The following SLC9C1 variants were observed in gnomAD, a reference collection of about 807,000 sequenced individuals.
SLC9C1 encodes sodium/hydrogen exchanger 10.
A neutral mutation model predicts 140.9 loss-of-function variants in SLC9C1; 97 were observed. That is an observed-to-expected ratio of 0.69 (90% CI 0.58 to 0.82). SLC9C1 has a LOEUF of 0.82. Among genes scored for constraint, SLC9C1 ranks in the 40% least tolerant of loss-of-function variants. SLC9C1 has a pLI of 0.00. For missense variants in SLC9C1, 1,340 were observed against 1,389.3 expected (o/e 0.96, Z 0.56); for synonymous variants, 440 against 442.6 (o/e 0.99, Z 0.07).
At chr3:112,262,899 G>A in intron 10 of SLC9C1, 25 bp downstream of exon 10, 1 of 1,530,842 alleles carries the variant, frequency 6.5e-7, no homozygotes. Context: ...ACAATATTCA[G>A]ATAAGAAAAT....
chr3:112,282,951 A>G (rs983186998), intron 2 of SLC9C1, among the ~76,000 whole-genome samples: 6 of 152,240 alleles, frequency 3.9e-5, no homozygotes, highest in Non-Finnish European at 8.8e-5. Flanking sequence ...CAAACATAAA[A>G]ATTGATACAA....
At chr3:112,150,636 A>G (rs1412459901) in intron 28 of SLC9C1, among the ~76,000 whole-genome samples, 1 of 151,664 alleles carries the variant, frequency 6.6e-6, no homozygotes, top group Non-Finnish European at 1.5e-5. Context: ...ATCCGCCATT[A>G]AATTCATCTT....
intron 28 of SLC9C1, among the ~76,000 whole-genome samples, chr3:112,150,830 ATATATATATATTTT>A (rs1188237330): frequency 0.075 from 2,902 of 38,882 alleles, 122 homozygotes; most frequent in African/African-American, 0.25. Flanking sequence ...ACATATATAT[ATATATATATATTTT>A]TTTTTTTTTT....
At chr3:112,221,515 G>A (rs1329268325) in intron 13 of SLC9C1, among the ~76,000 whole-genome samples, 1 of 151,964 alleles carries the variant, frequency 6.6e-6, no homozygotes, top group East Asian at 1.9e-4. Flanking sequence ...ACTACTGCAA[G>A]CTATATCCAC....
intron 10 of SLC9C1, among the ~76,000 whole-genome samples, chr3:112,251,548 G>A (rs1469697090): frequency 6.6e-6 from 1 of 152,148 alleles, no homozygotes; most frequent in Non-Finnish European, 1.5e-5. Flanking sequence ...TCTAGGAAAG[G>A]AGGTGATCCA....
intron 16 of SLC9C1, among the ~76,000 whole-genome samples, chr3:112,206,891 T>G (rs1216924211): frequency 1.3e-5 from 2 of 151,986 alleles, no homozygotes; most frequent in Non-Finnish European, 2.9e-5. Flanking sequence ...AAATAACTAA[T>G]GTAAATGACG....
At chr3:112,150,958 C>T (rs868313870) in intron 28 of SLC9C1, among the ~76,000 whole-genome samples, 1 of 150,938 alleles carries the variant, frequency 6.6e-6, no homozygotes, top group Admixed American at 6.6e-5. Flanking sequence ...CTGCCTCAGC[C>T]CCCTGAGTAG....
intron 5 of SLC9C1, among the ~76,000 whole-genome samples, chr3:112,277,316 T>C (rs950311013): frequency 6.6e-6 from 1 of 152,184 alleles, no homozygotes; most frequent in Non-Finnish European, 1.5e-5. Context: ...AAAATGGCGT[T>C]GTCCTAATGA....
chr3:112,266,823 G>A (rs971928970), intron 7 of SLC9C1, among the ~76,000 whole-genome samples: 1 of 152,088 alleles, frequency 6.6e-6, no homozygotes, highest in Non-Finnish European at 1.5e-5. Flanking sequence ...TGTGCCCTTT[G>A]TGTTTCTTTG....
intron 6 of SLC9C1, among the ~76,000 whole-genome samples, chr3:112,274,025 C>T (rs969284649): frequency 6.6e-6 from 1 of 152,018 alleles, no homozygotes; most frequent in African/African-American, 2.4e-5. Context: ...CCAAAACCAG[C>T]GCAAGTGCAC....
At chr3:112,177,069 C>T (rs991774576) in intron 23 of SLC9C1, among the ~76,000 whole-genome samples, 10 of 140,312 alleles carry the variant, frequency 7.1e-5, no homozygotes, top group African/African-American at 1.4e-4. Context: ...TGCAGTGGTG[C>T]GATCTCAGCT....
At chr3:112,157,035 C>T (rs946108494) in intron 26 of SLC9C1, among the ~76,000 whole-genome samples, 4 of 152,016 alleles carry the variant, frequency 2.6e-5, no homozygotes, top group Admixed American at 2.6e-4. Flanking sequence ...GATATAATCC[C>T]ACTTGTTTAT....
chr3:112,253,971 A>T (rs185349550), intron 10 of SLC9C1, among the ~76,000 whole-genome samples: 1 of 152,224 alleles, frequency 6.6e-6, no homozygotes, highest in Admixed American at 6.5e-5. Flanking sequence ...AGCAGAATAA[A>T]CCAAGATGAG....
chr3:112,265,932 T>C (rs1367538991), intron 8 of SLC9C1, among the ~76,000 whole-genome samples: 1 of 152,134 alleles, frequency 6.6e-6, no homozygotes, highest in Non-Finnish European at 1.5e-5. Flanking sequence ...TACTGCACTT[T>C]TGGCACCCTC....
At chr3:112,233,511 T>C (rs1470355225) in intron 12 of SLC9C1, among the ~76,000 whole-genome samples, 9 of 152,350 alleles carry the variant, frequency 5.9e-5, no homozygotes, top group Non-Finnish European at 1.3e-4. Flanking sequence ...CTTTAAGTTC[T>C]AGGGTACATG....
chr3:112,193,212 A>G (rs1331427685), intron 20 of SLC9C1, among the ~76,000 whole-genome samples: 1 of 152,344 alleles, frequency 6.6e-6, no homozygotes, highest in East Asian at 1.9e-4. Context: ...AGTTGGGGGC[A>G]CATGCATGCA....
chr3:112,271,767 C>G (rs1053855830), intron 6 of SLC9C1, among the ~76,000 whole-genome samples: 5 of 152,144 alleles, frequency 3.3e-5, no homozygotes, highest in Admixed American at 2.6e-4. Context: ...AGGAGTGTCT[C>G]TAGGCCTCAG....
At chr3:112,161,768 C>T (rs1307964808) in intron 26 of SLC9C1, among the ~76,000 whole-genome samples, 1 of 151,496 alleles carries the variant, frequency 6.6e-6, no homozygotes, top group East Asian at 1.9e-4. Context: ...TTTTTTGGTT[C>T]CATATGAACT....
At chr3:112,285,694 T>G (rs1484923037) in intron 2 of SLC9C1, among the ~76,000 whole-genome samples, 1 of 152,228 alleles carries the variant, frequency 6.6e-6, no homozygotes, top group Non-Finnish European at 1.5e-5. Flanking sequence ...TTTAACCAGA[T>G]GTAAATATGC....
Sources: allele counts gnomAD v4.1 joint callset (sites outside exome capture counted in the v4.1 genomes callset), GRCh38; gene constraint gnomAD v4.1.1; transcripts MANE v1.5; gene names NCBI Gene and HGNC (gene_info 2026-07-23, HGNC 2026-07-21).